GNAL: variants seen among roughly 807,000 people sequenced by gnomAD.
GNAL encodes guanine nucleotide-binding protein G(olf) subunit alpha.
In GNAL, 18 loss-of-function variants were observed where a neutral mutation model predicts 55.1. The ratio of observed to expected loss-of-function variants is 0.33; its 90% CI spans 0.23 to 0.48. The LOEUF (loss-of-function observed/expected upper bound fraction) is 0.48. GNAL is among the 20% of genes least tolerant of loss of function. The pLI is 0.99. For synonymous variants in GNAL, 253 were observed against 237.0 expected (o/e 1.07, Z -0.62); for missense variants, 412 against 614.1 (o/e 0.67, Z 3.48).
intron 5 of GNAL, among the ~76,000 whole-genome samples, chr18:11,826,569 G>C (rs1010904681): frequency 6.6e-6 from 1 of 152,218 alleles, no homozygotes; most frequent in Non-Finnish European, 1.5e-5. Context: ...GTAGATTGCA[G>C]AAGGCAGAGA....
chr18:11,701,191 C>A (rs758721932), intron 1 of GNAL, among the ~76,000 whole-genome samples: 1 of 152,138 alleles, frequency 6.6e-6, no homozygotes, highest in Non-Finnish European at 1.5e-5. Context: ...TCACGTGGAA[C>A]CTCTCAGTAA....
chr18:11,857,606 C>T (rs745308894), intron 5 of GNAL: 32 of 985,190 alleles, frequency 3.2e-5, no homozygotes, highest in African/African-American at 1.6e-4. Flanking sequence ...AAGAGGAACA[C>T]GCTCTTGGAT....
intron 5 of GNAL, among the ~76,000 whole-genome samples, chr18:11,851,229 G>A (rs956632647): frequency 6.6e-6 from 1 of 152,266 alleles, no homozygotes; most frequent in Non-Finnish European, 1.5e-5. Context: ...ACGCAGCGCA[G>A]GAAGCGAGCG....
At position 11,884,220 on chromosome 18, in the gene GNAL, T is replaced by G. The variant is rs1247763729; in HGVS notation, c.*3085T>G. On this transcript the variant is annotated 3_prime_UTR_variant, in exon 12 of 12. Coordinates refer to ENST00000334049, the MANE Select transcript of GNAL (RefSeq NM_182978.4). ...AACCTTTGATGATACATATATTTGA[T>G]AAAAATGAGAAAACAGATTTGTTGT... is the stretch of plus-strand genomic sequence containing the variant. The G allele has an allele frequency of 1.9e-6, 1 of 525,276 alleles. No homozygotes were observed. The highest frequency in any genetic ancestry group is 3.4e-6 in the Non-Finnish European group (1 of 292,496). The allele number at this position is 525,276 out of a possible 1,614,324, so 32.5% of individuals were successfully genotyped here.
intron 9 of GNAL, among the ~76,000 whole-genome samples, chr18:11,872,005 G>C (rs968548528): frequency 6.6e-6 from 1 of 152,190 alleles, no homozygotes; most frequent in African/African-American, 2.4e-5. Flanking sequence ...CATTTCCTTC[G>C]AGCATCATGT....
chr18:11,722,952 A>C (rs758479273), intron 1 of GNAL, among the ~76,000 whole-genome samples: 6 of 150,178 alleles, frequency 4.0e-5, no homozygotes, highest in East Asian at 2.0e-4. Flanking sequence ...CGGAGGTTGC[A>C]GTGAGCCAAG....
intron 1 of GNAL, chr18:11,747,031 T>C (rs2032702864): frequency 2.1e-6 from 1 of 480,486 alleles, no homozygotes; most frequent in Admixed American, 2.2e-5. Flanking sequence ...CAGATGAACT[T>C]ATGCAGGGTT....
At chr18:11,851,389 C>G in intron 5 of GNAL, 2 of 1,265,996 alleles carry the variant, frequency 1.6e-6, no homozygotes, top group Non-Finnish European at 2.1e-6. Context: ...CTGCGCCGCT[C>G]ACAGTAGAAA....
intron 1 of GNAL, among the ~76,000 whole-genome samples, chr18:11,743,346 A>G (rs1242045110): frequency 6.6e-6 from 1 of 151,084 alleles, no homozygotes; most frequent in East Asian, 1.9e-4. Context: ...ACTGTTAGGC[A>G]TTTACAATGC....
rs2036687024 is a variant in GNAL at position 11,881,360 on chromosome 18, T to A, written c.*225T>A. 1 of 448,362 alleles carries A rather than the reference T, an allele frequency of 2.2e-6. No homozygotes were observed. Among genetic ancestry groups the A allele is most frequent in the South Asian group, 4.3e-5 (1 of 23,380 alleles). 27.8% of individuals were successfully genotyped at this position (448,362 alleles called of 1,614,324 possible). On this transcript the variant is annotated 3_prime_UTR_variant, in exon 12 of 12. Transcript: ENST00000334049. This position sits in a 1 kb window ranked among gnomAD's most constrained non-coding sequence, Gnocchi z 4.8. ...AGCATCCCACCCCCAAACCACCGAC[T>A]CTCATTGCCGACACTGCAGCAGAAT...
chr18:11,872,352 T>C lies in GNAL; in HGVS notation c.1116T>C (p.Ile372=). The change falls in exon 10 of 12, where the codon ATT becomes ATC. Residue 372 remains isoleucine (I), a synonymous_variant. Transcript: ENST00000334049. The stretch of plus-strand genomic sequence containing the variant: ...AAGTCTTGGCAGGGAAATCAAAAAT[T>C]GAAGACTATTTCCCAGAATATGCAA... ...AEKVLAGKSK[I]EDYFPEYANY... is the part of the protein sequence containing the mutation. The C allele has an allele frequency of 6.4e-7, 1 of 1,568,364 alleles. No individual in the cohort carries two copies. Among genetic ancestry groups the C allele is most frequent in the Non-Finnish European group, 8.6e-7 (1 of 1,159,586 alleles).
chr18:11,859,827 C>T (rs555004023), intron 5 of GNAL, among the ~76,000 whole-genome samples: 2 of 151,150 alleles, frequency 1.3e-5, no homozygotes, highest in African/African-American at 2.4e-5. Flanking sequence ...CTCACTACAA[C>T]CTCTGCCTCC....
At chr18:11,761,353 A>G (rs8090628) in intron 4 of GNAL, among the ~76,000 whole-genome samples, 54,168 of 151,944 alleles carry the variant, frequency 0.36, 10,496 homozygotes, top group African/African-American at 0.51. Flanking sequence ...CCTCATCCCC[A>G]TGCCCTCTCA....
At chr18:11,846,422 A>AATAAATAT (rs1169469010) in intron 5 of GNAL, among the ~76,000 whole-genome samples, 19 of 145,330 alleles carry the variant, frequency 1.3e-4, no homozygotes, top group African/African-American at 4.7e-4. Flanking sequence ...TAAATATATA[A>AATAAATAT]ATACATATAT....
intron 4 of GNAL, among the ~76,000 whole-genome samples, chr18:11,814,681 G>C (rs962096150): frequency 3.3e-5 from 5 of 152,174 alleles, no homozygotes; most frequent in African/African-American, 1.2e-4. Flanking sequence ...TGGATCACTT[G>C]AGGTCAGGAG....
chr18:11,814,740 T>G (rs764501042), intron 4 of GNAL, among the ~76,000 whole-genome samples: 2 of 149,296 alleles, frequency 1.3e-5, no homozygotes, highest in Non-Finnish European at 3.0e-5. Context: ...ATACTAAAAA[T>G]ACAAAATTAA....
At chr18:11,852,173 T>TA in intron 5 of GNAL, 1 of 1,482,792 alleles carries the variant, frequency 6.7e-7, no homozygotes, top group Non-Finnish European at 9.0e-7. Flanking sequence ...CTCTGTGTGT[T>TA]AGAGAGATAC....
chr18:11,715,287 GTC>G (rs201037520), intron 1 of GNAL, among the ~76,000 whole-genome samples: 27,626 of 151,390 alleles, frequency 0.18, 5,130 homozygotes, highest in African/African-American at 0.48. Flanking sequence ...GTGAAACCCT[GTC>G]TCTACTAAAA....
At chr18:11,698,019 G>A (rs1013146897) in intron 1 of GNAL, among the ~76,000 whole-genome samples, 13 of 152,128 alleles carry the variant, frequency 8.5e-5, no homozygotes, top group Admixed American at 5.2e-4. Context: ...TAGGGAGGAC[G>A]TGCAGAGTGA....
Sources: allele counts gnomAD v4.1 joint callset (sites outside exome capture counted in the v4.1 genomes callset), GRCh38; gene constraint gnomAD v4.1.1; non-coding constraint Gnocchi (gnomAD v3.1); transcripts MANE v1.5; gene names NCBI Gene and HGNC (gene_info 2026-07-23, HGNC 2026-07-21).